Variants in SLC4A4 observed in about 807,000 individuals in gnomAD.
SLC4A4 encodes the protein solute carrier family 4 member 4.
In SLC4A4, 27 loss-of-function variants were observed where a neutral mutation model predicts 111.5. The observed-to-expected ratio is 0.24, with a 90% CI of 0.18 to 0.33. SLC4A4 has a LOEUF of 0.33. SLC4A4 is among the 10% of genes least tolerant of loss of function. The pLI, the probability that SLC4A4 is intolerant of heterozygous loss-of-function variation, is 1.00. For missense variants in SLC4A4, 909 were observed against 1,315.5 expected (o/e 0.69, Z 4.78); for synonymous variants, 443 against 463.4 (o/e 0.96, Z 0.57).
chr4:71,234,232 C>T (rs1457111300), intron 1 of SLC4A4, among the ~76,000 whole-genome samples: 6 of 152,234 alleles, frequency 3.9e-5, no homozygotes, highest in South Asian at 4.1e-4. Context: ...CTGAGATTAC[C>T]TTGTTCATCT....
intron 3 of SLC4A4, among the ~76,000 whole-genome samples, chr4:71,267,791 C>CAAAAAAAAAAAAAAAAAAAAAA (rs71212002): frequency 4.8e-5 from 3 of 62,360 alleles, no homozygotes; most frequent in African/African-American, 2.6e-4. Flanking sequence ...GAGAGTCTGC[C>CAAAAAAAAAAAAAAAAAAAAAA]AAAAAAAAAA....
At chr4:71,257,254 GT>G (rs1246034546) in intron 3 of SLC4A4, among the ~76,000 whole-genome samples, 1 of 152,122 alleles carries the variant, frequency 6.6e-6, no homozygotes, top group Non-Finnish European at 1.5e-5. Flanking sequence ...TTGTATACTG[GT>G]TTTCTGAAGG....
intron 11 of SLC4A4, among the ~76,000 whole-genome samples, chr4:71,452,600 G>A (rs1725868818): frequency 1.3e-5 from 2 of 152,144 alleles, no homozygotes; most frequent in East Asian, 3.9e-4. Context: ...TCAAGACTTC[G>A]GAGAGCTGTT....
At chr4:71,085,589 G>A (rs1175676748) in intron 1 of SLC4A4, among the ~76,000 whole-genome samples, 1 of 152,002 alleles carries the variant, frequency 6.6e-6, no homozygotes, top group Non-Finnish European at 1.5e-5. Context: ...TGTATAAGGG[G>A]TAAGGAAGGG....
intron 3 of SLC4A4, among the ~76,000 whole-genome samples, chr4:71,265,356 A>G (rs1225447102): frequency 1.3e-5 from 2 of 152,154 alleles, no homozygotes; most frequent in Admixed American, 6.6e-5. Context: ...CAACCTGGAG[A>G]CTATATTTAT....
intron 2 of SLC4A4, among the ~76,000 whole-genome samples, chr4:71,133,864 A>C (rs1743775214): frequency 6.6e-6 from 1 of 151,316 alleles, no homozygotes; most frequent in South Asian, 2.1e-4. Flanking sequence ...AAGGACTGAA[A>C]CTCTTCTTTT....
intron 2 of SLC4A4, among the ~76,000 whole-genome samples, chr4:71,245,847 A>G (rs983253588): frequency 2.0e-5 from 3 of 152,144 alleles, no homozygotes; most frequent in Non-Finnish European, 4.4e-5. Context: ...GGAGATTAAC[A>G]AAGTGCAGTC....
At chr4:71,279,956 C>T (rs528976022) in intron 3 of SLC4A4, among the ~76,000 whole-genome samples, 19 of 152,246 alleles carry the variant, frequency 1.2e-4, no homozygotes, top group African/African-American at 2.2e-4. Flanking sequence ...CCATCATGCC[C>T]GGCTAATTTT....
At chr4:71,557,912 C>T (rs1028454712) in intron 22 of SLC4A4, 27 bp downstream of exon 22, 3 of 1,559,808 alleles carry the variant, frequency 1.9e-6, no homozygotes, top group Non-Finnish European at 2.7e-6. Context: ...TTGAACGTAC[C>T]TGTGAGATTA....
chr4:71,147,390 A>T (rs1744204283), intron 2 of SLC4A4, among the ~76,000 whole-genome samples: 2 of 151,638 alleles, frequency 1.3e-5, no homozygotes, highest in South Asian at 4.2e-4. Flanking sequence ...CTCTCCTTGG[A>T]GGTGGTGGTT....
intron 5 of SLC4A4, among the ~76,000 whole-genome samples, chr4:71,353,136 G>A (rs1156364755): frequency 3.3e-5 from 5 of 152,160 alleles, no homozygotes; most frequent in Admixed American, 6.5e-5. Flanking sequence ...AGAGAGGTTA[G>A]CCAAGCATTT....
intron 18 of SLC4A4, among the ~76,000 whole-genome samples, chr4:71,542,605 G>A (rs746770734): frequency 2.6e-5 from 4 of 151,814 alleles, no homozygotes; most frequent in Admixed American, 6.6e-5. Context: ...AGTTTTTCAC[G>A]TACTTCTTAT....
chr4:71,409,599 G>A (rs1035888838), intron 7 of SLC4A4, among the ~76,000 whole-genome samples: 1 of 152,192 alleles, frequency 6.6e-6, no homozygotes, highest in Non-Finnish European at 1.5e-5. Flanking sequence ...TGTTTTAGAA[G>A]GGAAACAGAG....
chr4:71,148,274 C>G (rs1744231009), intron 2 of SLC4A4, among the ~76,000 whole-genome samples: 1 of 152,140 alleles, frequency 6.6e-6, no homozygotes, highest in African/African-American at 2.4e-5. Context: ...CAACATCTCT[C>G]TGGGCTAAAG....
intron 3 of SLC4A4, among the ~76,000 whole-genome samples, chr4:71,303,371 C>A (rs1725421535): frequency 1.3e-5 from 2 of 152,206 alleles, no homozygotes; most frequent in African/African-American, 2.4e-5. Context: ...TGCCTATTAG[C>A]ATTTCACACA....
chr4:71,417,502 G>A (rs552827829), intron 7 of SLC4A4, among the ~76,000 whole-genome samples: 1 of 152,160 alleles, frequency 6.6e-6, no homozygotes, highest in Admixed American at 6.5e-5. Context: ...TGGAGTTCAT[G>A]GCACAACAGT....
At position 71,267,791 on chromosome 4, in the gene SLC4A4, C is replaced by CAAAAAAAAAAAAAA. The variant is rs71212002; in HGVS notation, c.253+12406_253+12419dup. 2.1e-4 allele frequency among the ~76,000 whole-genome samples: 13 copies of CAAAAAAAAAAAAAA among 62,358 alleles called. 1 individual carries two copies. The highest frequency in any genetic ancestry group is 5.9e-4 in the East Asian group (1 of 1,686). The allele number at this position is 62,358 out of a possible 152,430, so 40.9% of individuals were successfully genotyped here. ...CCTGGATGACAGAGTGAGAGTCTGCCAAAAAAAAAAAAAAAAAAAAAAAAA... is the reference window on the plus strand; with the variant it reads ...CCTGGATGACAGAGTGAGAGTCTGCCAAAAAAAAAAAAAAAAAAAAAAAAAAAAAAAAAAAAAAA... On this transcript the variant is annotated intron_variant, in intron 3 of 25. Coordinates refer to ENST00000264485, the MANE Select transcript of SLC4A4 (RefSeq NM_001098484.3).
At chr4:71,559,383 A>G (rs1288291180) in intron 22 of SLC4A4, among the ~76,000 whole-genome samples, 3 of 151,918 alleles carry the variant, frequency 2.0e-5, no homozygotes. Flanking sequence ...TTATTCAGTT[A>G]TCTGGGTTCA....
chr4:71,310,018 C>T (rs939528195), intron 3 of SLC4A4, among the ~76,000 whole-genome samples: 22 of 151,554 alleles, frequency 1.5e-4, no homozygotes, highest in African/African-American at 4.9e-4. Context: ...AAACACAGCA[C>T]GAGAACTTCG....
Sources: allele counts gnomAD v4.1 joint callset (sites outside exome capture counted in the v4.1 genomes callset), GRCh38; gene constraint gnomAD v4.1.1; transcripts MANE v1.5; gene names NCBI Gene and HGNC (gene_info 2026-07-23, HGNC 2026-07-21).